FRMD4B: variants seen among roughly 807,000 people sequenced by gnomAD.
FRMD4B encodes FERM domain-containing protein 4B.
In FRMD4B, 74 loss-of-function variants were observed where a neutral mutation model predicts 141.5. The ratio of observed to expected loss-of-function variants is 0.52; its 90% CI spans 0.43 to 0.63. The LOEUF (loss-of-function observed/expected upper bound fraction) is 0.63, where lower values mean the gene tolerates loss of function less well. Among genes scored for constraint, FRMD4B ranks in the 30% least tolerant of loss-of-function variants. The pLI, the probability that FRMD4B is intolerant of heterozygous loss-of-function variation, is 0.00. For synonymous variants in FRMD4B, 506 were observed against 467.9 expected (o/e 1.08, Z -1.05); for missense variants, 1,366 against 1,253.4 (o/e 1.09, Z -1.36).
chr3:69,238,786 A>G (rs996629439), intron 7 of FRMD4B, among the ~76,000 whole-genome samples: 1 of 152,146 alleles, frequency 6.6e-6, no homozygotes. Context: ...TCCTGCCTCA[A>G]AACAACAACA....
intron 1 of FRMD4B, among the ~76,000 whole-genome samples, chr3:69,537,617 T>C (rs185394455): frequency 5.3e-5 from 8 of 152,362 alleles, no homozygotes; most frequent in Admixed American, 3.3e-4. Context: ...CTCAGTGTCA[T>C]TGGAAAATAA....
At chr3:69,404,775 G>T (rs1704622576) in intron 2 of FRMD4B, among the ~76,000 whole-genome samples, 2 of 152,164 alleles carry the variant, frequency 1.3e-5, no homozygotes, top group African/African-American at 4.8e-5. Flanking sequence ...ACTGAGAAGG[G>T]TGACAGTCAG....
At chr3:69,290,380 G>T (rs1023906552) in intron 4 of FRMD4B, among the ~76,000 whole-genome samples, 7 of 152,316 alleles carry the variant, frequency 4.6e-5, no homozygotes, top group African/African-American at 1.4e-4. Flanking sequence ...AGAGTCCACA[G>T]CAGGAGTTGA....
In FRMD4B at chr3:69,313,464, C is replaced by T; in HGVS notation, c.216G>A (p.Glu72=). 6.4e-7 allele frequency: 1 copy of T among 1,570,622 alleles called. No individual in the cohort carries two copies. The highest frequency in any genetic ancestry group is 8.6e-7 in the Non-Finnish European group (1 of 1,156,940). The part of the protein sequence containing the change: ...QVHLLDDRRL[E]LLVQPKLLAR... ...GGGCCACACCTACCTGAACCAGCAG[C>T]TCCAGTCTCCTATCATCCAGGAGGT... Residue 72 remains glutamate, a synonymous_variant, in exon 2 of 23, where the codon GAG becomes GAA. Coordinates refer to ENST00000398540, the MANE Select transcript of FRMD4B (RefSeq NM_015123.3).
At chr3:69,405,352 T>C (rs985803218) in intron 2 of FRMD4B, among the ~76,000 whole-genome samples, 1 of 152,216 alleles carries the variant, frequency 6.6e-6, no homozygotes, top group Non-Finnish European at 1.5e-5. Flanking sequence ...CTAGCTCCTG[T>C]AGGTTAAATC....
At chr3:69,407,545 T>C (rs1047808971) in intron 2 of FRMD4B, among the ~76,000 whole-genome samples, 13 of 152,214 alleles carry the variant, frequency 8.5e-5, no homozygotes, top group Non-Finnish European at 1.9e-4. Flanking sequence ...AGAGGTGCAA[T>C]GTCTGACATG....
intron 4 of FRMD4B, 57 bp from the exon 5 acceptor site, chr3:69,287,893 C>G: frequency 1.3e-6 from 1 of 769,360 alleles, no homozygotes; most frequent in South Asian, 1.7e-5. Context: ...CTCAGCATTC[C>G]TCATTCAGTG....
intron 5 of FRMD4B, among the ~76,000 whole-genome samples, chr3:69,263,933 C>A (rs1036619201): frequency 7.0e-6 from 1 of 143,210 alleles, no homozygotes; most frequent in Non-Finnish European, 1.5e-5. Context: ...TCAAGCAATT[C>A]TCATGTCTCA....
intron 10 of FRMD4B, among the ~76,000 whole-genome samples, chr3:69,217,618 T>C (rs2093154762): frequency 6.6e-6 from 1 of 152,156 alleles, no homozygotes; most frequent in Non-Finnish European, 1.5e-5. Context: ...CTAGACTCCA[T>C]CTCAAAAACA....
intron 1 of FRMD4B, among the ~76,000 whole-genome samples, chr3:69,486,200 T>C (rs1457179769): frequency 2.0e-5 from 3 of 152,222 alleles, no homozygotes; most frequent in Non-Finnish European, 2.9e-5. Flanking sequence ...TTTCTAACTG[T>C]TGCCAACTAA....
At chr3:69,499,084 G>A (rs1559546498) in intron 1 of FRMD4B, among the ~76,000 whole-genome samples, 1 of 152,174 alleles carries the variant, frequency 6.6e-6, no homozygotes, top group Non-Finnish European at 1.5e-5. Flanking sequence ...GAATTGATAG[G>A]AAGCATTCCA....
intron 1 of FRMD4B, among the ~76,000 whole-genome samples, chr3:69,434,648 A>AG (rs1460269171): frequency 1.3e-5 from 2 of 152,236 alleles, no homozygotes; most frequent in Non-Finnish European, 2.9e-5. Flanking sequence ...ATATGTTTTA[A>AG]GATCTACGAA....
At chr3:69,250,235 A>G (rs190536685) in intron 5 of FRMD4B, 136 bp from the exon 6 acceptor site, 5 of 733,082 alleles carry the variant, frequency 6.8e-6, no homozygotes, top group Middle Eastern at 2.5e-4. Flanking sequence ...ATTGCAGGGG[A>G]AAGTGGGGGG....
At chr3:69,238,256 T>C (rs1481502743) in intron 7 of FRMD4B, among the ~76,000 whole-genome samples, 1 of 152,156 alleles carries the variant, frequency 6.6e-6, no homozygotes, top group Non-Finnish European at 1.5e-5. Context: ...AAATCAAAAA[T>C]ACCAACCAAC....
At chr3:69,211,605 A>G (rs750451332) in intron 11 of FRMD4B, among the ~76,000 whole-genome samples, 12 of 152,164 alleles carry the variant, frequency 7.9e-5, no homozygotes, top group Non-Finnish European at 1.6e-4. Flanking sequence ...CAGTTTTCTT[A>G]TTCTTAGTAC....
At chr3:69,221,325 G>A (rs901670127) in intron 9 of FRMD4B, among the ~76,000 whole-genome samples, 1 of 152,156 alleles carries the variant, frequency 6.6e-6, no homozygotes, top group African/African-American at 2.4e-5. Flanking sequence ...ACAATGGCTT[G>A]TTGTTAGTAG....
intron 1 of FRMD4B, among the ~76,000 whole-genome samples, chr3:69,522,204 C>G (rs1173450276): frequency 1.3e-5 from 2 of 152,154 alleles, no homozygotes; most frequent in East Asian, 3.9e-4. Context: ...AGTGGGCTAG[C>G]ACATCAAAGG....
Position 69,465,840 on chromosome 3 carries a change from C to T in FRMD4B, c.-128-33079G>A, listed in dbSNP as rs543620647. Among the ~76,000 whole-genome samples the T allele has an allele frequency of 1.3e-4, 20 of 152,150 alleles. 1 individual carries two copies. In the South Asian group the frequency reaches 2.7e-3, roughly 21 times the overall value. ...AAGTCTTTGCTATTGTGAATAGTGC[C>T]GCAATAAACATATGTGTCCATGTGT... On this transcript the variant is annotated intron_variant, in intron 1 of 5. Transcript: ENST00000459638.
intron 11 of FRMD4B, chr3:69,199,133 G>C (rs905228869): frequency 5.3e-6 from 1 of 190,402 alleles, no homozygotes; most frequent in African/African-American, 2.4e-5. Context: ...TTAGCCGGGC[G>C]TGCTGGTGGG....
Sources: allele counts gnomAD v4.1 joint callset (sites outside exome capture counted in the v4.1 genomes callset), GRCh38; gene constraint gnomAD v4.1.1; transcripts MANE v1.5; gene names NCBI Gene and HGNC (gene_info 2026-07-23, HGNC 2026-07-21).